The following SAMHD1 variants were observed in gnomAD, a reference collection of about 807,000 sequenced individuals.
SAMHD1 encodes SAM and HD domain containing deoxynucleoside triphosphate triphosphohydrolase 1.
Under a neutral mutation model 79.6 loss-of-function variants are expected in SAMHD1, and 54 were observed. The observed-to-expected ratio is 0.68, with a 90% CI of 0.55 to 0.85. SAMHD1 has a LOEUF of 0.85. Ranked by LOEUF, SAMHD1 falls within the 40% of genes least tolerant of loss-of-function variation. SAMHD1 has a pLI of 0.00. For missense variants in SAMHD1, 663 were observed against 782.7 expected (o/e 0.85, Z 1.82); for synonymous variants, 260 against 264.1 (o/e 0.98, Z 0.15).
chr20:36,950,034 C>T (rs2063723162), intron 1 of SAMHD1, among the ~76,000 whole-genome samples: 1 of 151,766 alleles, frequency 6.6e-6, no homozygotes, highest in Non-Finnish European at 1.5e-5. Context: ...GAGAGAAGTC[C>T]GAATAAAGTT....
In SAMHD1 at chr20:36,912,230, T is replaced by TCATCTGCCCCTTTATCCACTTCCCTC. The variant is rs892147656; in HGVS notation, c.1154+205_1154+230dup. On this transcript the variant is annotated intron_variant, in intron 10 of 15. Coordinates refer to ENST00000646673, the MANE Select transcript of SAMHD1 (RefSeq NM_015474.4). The stretch of plus-strand genomic sequence containing the variant: ...TGGCCTAAGCCAGCTCTTCTTCCCT[T>TCATCTGCCCCTTTATCCACTTCCCTC]CATCTGCCCCTTTATCCACTTCCCT... The TCATCTGCCCCTTTATCCACTTCCCTC allele has an allele frequency of 5.8e-6, 3 of 513,846 alleles. No individual in the cohort carries two copies. The East Asian group carries it at 1.1e-4, about 18-fold the overall frequency. 31.8% of individuals were successfully genotyped at this position (513,846 alleles called of 1,614,324 possible). A position where few individuals can be genotyped will look rare whatever the true frequency, so the allele number is the denominator to read the frequency against.
At chr20:36,951,378 GC>G in intron 1 of SAMHD1, 57 bp downstream of exon 1, 1 of 1,605,658 alleles carries the variant, frequency 6.2e-7, no homozygotes, top group South Asian at 1.1e-5. Context: ...CCCTCAGGGC[GC>G]CTGGCCCGCG....
intron 13 of SAMHD1, 152 bp downstream of exon 13, chr20:36,904,005 T>C: frequency 3.2e-6 from 2 of 624,278 alleles, no homozygotes; most frequent in South Asian, 3.7e-5. Flanking sequence ...CAAAATGTTT[T>C]TGTGGTTAAT....
At chr20:36,939,474 T>C (rs1038509181) in intron 3 of SAMHD1, among the ~76,000 whole-genome samples, 1 of 151,540 alleles carries the variant, frequency 6.6e-6, no homozygotes, top group Non-Finnish European at 1.5e-5. Flanking sequence ...TGTGCACCTG[T>C]AGTCCCAGCT....
At chr20:36,930,999 C>A in intron 4 of SAMHD1, 124 bp from the exon 5 acceptor site, 1 of 711,030 alleles carries the variant, frequency 1.4e-6, no homozygotes. Flanking sequence ...CTTTACTGAA[C>A]AGTATATTTC....
intron 9 of SAMHD1, among the ~76,000 whole-genome samples, chr20:36,912,889 GTTTTTTTT>G (rs71186089): frequency 9.7e-5 from 4 of 41,104 alleles, no homozygotes; most frequent in Admixed American, 4.2e-4. Flanking sequence ...TTCATTCTTT[GTTTTTTTT>G]TTTTTTTTTT....
chr20:36,920,053 T>C lies in SAMHD1; in HGVS notation c.697-534A>G, dbSNP rs1056108771. On this transcript the variant is annotated intron_variant, in intron 6 of 15. Coordinates refer to ENST00000646673, the MANE Select transcript of SAMHD1 (RefSeq NM_015474.4). ...ATGAACTCCTGAAGACATCTGCCCT[T>C]TCCTAGATCCTACCAAAAACTAACT... Among the ~76,000 whole-genome samples the C allele has an allele frequency of 3.3e-5, 5 of 152,110 alleles. No homozygotes were observed. In the East Asian group the frequency reaches 9.6e-4, roughly 29 times the overall value.
chr20:36,922,984 C>G (rs182804047), intron 6 of SAMHD1, among the ~76,000 whole-genome samples: 1 of 151,952 alleles, frequency 6.6e-6, no homozygotes, highest in East Asian at 1.9e-4. Context: ...AAAAAAATAT[C>G]TATATATAAA....
In SAMHD1 at chr20:36,905,592, C is replaced by A. The variant is rs2063400304; in HGVS notation, c.1271-89G>T. On this transcript the variant is annotated intron_variant, in intron 11 of 15. Transcript: ENST00000646673. ...TGCTATTCTATTGAAATGATCTTAA[C>A]AGGCAGTTCGCAAATGTAGGTACAT... 5.1e-6 allele frequency: 6 copies of A among 1,165,958 alleles called. No individual in the cohort carries two copies. The Admixed American group carries it at 9.6e-5, about 19-fold the overall frequency. The allele number at this position is 1,165,958 out of a possible 1,614,324, so 72.2% of individuals were successfully genotyped here.
chr20:36,921,384 C>A (rs112802859), intron 6 of SAMHD1, among the ~76,000 whole-genome samples: 8,636 of 97,534 alleles, frequency 0.089, 424 homozygotes, highest in Middle Eastern at 0.17. Context: ...CACAGCGAGA[C>A]TCTGTCTCAA....
chr20:36,945,521 T>A (rs1424381344), intron 2 of SAMHD1, among the ~76,000 whole-genome samples: 1 of 152,194 alleles, frequency 6.6e-6, no homozygotes, highest in Admixed American at 6.5e-5. Flanking sequence ...ATTCAATTAT[T>A]CTGAACTTGA....
intron 3 of SAMHD1, chr20:36,940,354 A>G (rs1600389289): frequency 6.6e-6 from 1 of 152,456 alleles, no homozygotes; most frequent in Non-Finnish European, 1.5e-5. Context: ...ATAAACATCA[A>G]ATTCAGGAAG....
chr20:36,921,168 G>A (rs1049445445), intron 6 of SAMHD1, among the ~76,000 whole-genome samples: 3 of 151,924 alleles, frequency 2.0e-5, no homozygotes, highest in African/African-American at 7.3e-5. Flanking sequence ...GCGGAGGCAG[G>A]CAGATCACGA....
At position 36,951,633 on chromosome 20, in the gene SAMHD1, G is replaced by C. The variant is rs755673943; in HGVS notation, c.11C>G (p.Ala4Gly). The change falls in exon 1 of 16, where the codon GCC becomes GGC. Residue 4 changes from alanine (A) to glycine (G), a missense_variant. Ala to Gly is a moderately conservative substitution (Grantham distance 60). Coordinates refer to ENST00000646673, the MANE Select transcript of SAMHD1 (RefSeq NM_015474.4). MQR[A>G]DSEQPSKRPR... ...ACGCTTGGAGGGCTGCTCGGAATCGGCTCGCTGCATGGCTACACCTGGCGT... is the reference window on the plus strand; with the variant it reads ...ACGCTTGGAGGGCTGCTCGGAATCGCCTCGCTGCATGGCTACACCTGGCGT... 4.3e-6 allele frequency: 7 copies of C among 1,613,644 alleles called. No individual in the cohort carries two copies. Among genetic ancestry groups the C allele is most frequent in the Non-Finnish European group, 5.9e-6 (7 of 1,179,980 alleles).
At chr20:36,936,827 A>G (rs2063606963) in intron 3 of SAMHD1, among the ~76,000 whole-genome samples, 1 of 151,628 alleles carries the variant, frequency 6.6e-6, no homozygotes, top group African/African-American at 2.4e-5. Context: ...CGCCTGGCTA[A>G]TTTTTCTTTT....
intron 3 of SAMHD1, among the ~76,000 whole-genome samples, chr20:36,937,000 G>T (rs928846863): frequency 1.3e-5 from 2 of 151,910 alleles, no homozygotes; most frequent in African/African-American, 4.8e-5. Context: ...AATTAGCTGG[G>T]CGTGGTGGTG....
chr20:36,907,093 T>A (rs1216669893), intron 11 of SAMHD1, among the ~76,000 whole-genome samples: 1 of 143,176 alleles, frequency 7.0e-6, no homozygotes, highest in Non-Finnish European at 1.5e-5. Context: ...CACCTGGCCT[T>A]TTTTTTTTTT....
intron 6 of SAMHD1, chr20:36,926,862 CAGA>C (rs1185123406): frequency 3.6e-6 from 1 of 274,306 alleles, no homozygotes; most frequent in South Asian, 4.6e-5. Context: ...TACAATGGAG[CAGA>C]AGGAGTATTA....
chr20:36,922,974 A>C (rs1480864432), intron 6 of SAMHD1, among the ~76,000 whole-genome samples: 1 of 151,934 alleles, frequency 6.6e-6, no homozygotes, highest in African/African-American at 2.4e-5. Context: ...ATGATTCAGA[A>C]AAAAAATATC....
Sources: gnomAD v4.1 joint callset for allele counts (sites outside exome capture counted in the v4.1 genomes callset) on GRCh38, gnomAD v4.1.1 for gene constraint, MANE v1.5 for transcripts, NCBI Gene and HGNC (gene_info 2026-07-23, HGNC 2026-07-21) for gene names.